The following ERI1 variants were observed in gnomAD, a reference collection of about 807,000 sequenced individuals.
ERI1 encodes the protein exoribonuclease 1.
Under a neutral mutation model 39.7 loss-of-function variants are expected in ERI1, and 39 were observed. That is an observed-to-expected ratio of 0.98 (90% CI 0.76 to 1.28). The LOEUF (loss-of-function observed/expected upper bound fraction) is 1.28, where lower values mean the gene tolerates loss of function less well. ERI1 is among the 50% of genes most tolerant of loss of function. The probability of loss-of-function intolerance (pLI) is 0.00; values close to 1 mark genes in which losing one functional copy is unlikely to be tolerated. For missense variants in ERI1, 581 were observed against 416.9 expected (o/e 1.39, Z -3.43); for synonymous variants, 204 against 149.6 (o/e 1.36, Z -2.65).
Position 9,029,951 on chromosome 8 carries a change from C to A in ERI1, c.967C>A (p.His323Asn). 5.6e-6 allele frequency: 9 copies of A among 1,614,092 alleles called. No individual in the cohort carries two copies. The highest frequency in any genetic ancestry group is 7.6e-6 in the Non-Finnish European group (9 of 1,180,006). Residue 323 changes from histidine (H) to asparagine (N), a missense_variant, in exon 7 of 7, where the codon CAT becomes AAT. Coordinates refer to ENST00000250263, the MANE Select transcript of ERI1 (RefSeq NM_153332.4). ...GCELRINEKM[H>N]AGQLMSVSSS... ...TGAACTCCGAATCAACGAGAAAATGCATGCAGGACAGCTAATGAGTGTGTC... is the reference window on the plus strand; with the variant it reads ...TGAACTCCGAATCAACGAGAAAATGAATGCAGGACAGCTAATGAGTGTGTC...
At chr8:9,007,347 TTG>T (rs1338140450) in intron 1 of ERI1, among the ~76,000 whole-genome samples, 8 of 152,198 alleles carry the variant, frequency 5.3e-5, no homozygotes, top group African/African-American at 1.9e-4. Context: ...TTTGTTAACT[TTG>T]TGAAATGAAG....
chr8:9,007,188 A>C (rs970223428), intron 1 of ERI1, among the ~76,000 whole-genome samples: 1 of 152,218 alleles, frequency 6.6e-6, no homozygotes, highest in South Asian at 2.1e-4. Context: ...TTTATGAAAA[A>C]ATTCATAATT....
At chr8:9,004,048 C>T (rs2117162428) in intron 1 of ERI1, 9 of 1,285,128 alleles carry the variant, frequency 7.0e-6, no homozygotes, top group Non-Finnish European at 9.1e-6. Context: ...TTGCATCTCA[C>T]ACAGTTTTTT....
At chr8:9,034,338 C>T (rs145733504), downstream of ERI1, among the ~76,000 whole-genome samples, 70 of 152,192 alleles carry the variant, frequency 4.6e-4, no homozygotes, top group Non-Finnish European at 8.4e-4. Context: ...TTATGTGCTT[C>T]GCAGATACTA....
At chr8:9,085,148 T>G (rs1799486057) in intron 3 of ERI1, among the ~76,000 whole-genome samples, 1 of 152,200 alleles carries the variant, frequency 6.6e-6, no homozygotes, top group Non-Finnish European at 1.5e-5. Flanking sequence ...AATTCCAGCC[T>G]GAGGGCTACA....
At chr8:9,063,071 T>C (rs1585273912) in intron 3 of ERI1, among the ~76,000 whole-genome samples, 1 of 152,344 alleles carries the variant, frequency 6.6e-6, no homozygotes, top group East Asian at 1.9e-4. Context: ...TTGTACACCT[T>C]GAAGGCCAGG....
intron 3 of ERI1, among the ~76,000 whole-genome samples, chr8:9,046,207 C>G (rs1231423782): frequency 6.6e-6 from 1 of 152,206 alleles, no homozygotes; most frequent in Non-Finnish European, 1.5e-5. Context: ...GTGAGGTTCT[C>G]TGTCCTGAGA....
rs1797489275 is a variant in ERI1, at chr8:9,030,200, A to C, written c.*166A>C. 4 of 895,052 alleles carry C rather than the reference A, an allele frequency of 4.5e-6. No homozygotes were observed. Among genetic ancestry groups the C allele is most frequent in the Non-Finnish European group, 6.6e-6 (4 of 608,006 alleles). The allele number at this position is 895,052 out of a possible 1,614,324, so 55.4% of individuals were successfully genotyped here. On this transcript the variant is annotated 3_prime_UTR_variant, in exon 7 of 7. Coordinates refer to ENST00000250263, the MANE Select transcript of ERI1 (RefSeq NM_153332.4). ...CATGTATGTGAACAGATTTTGTAGG[A>C]AGGCATACTGAATTCTTTGTCACCA...
intron 3 of ERI1, among the ~76,000 whole-genome samples, chr8:9,043,424 G>T (rs1367170422): frequency 6.6e-6 from 1 of 152,150 alleles, no homozygotes; most frequent in Non-Finnish European, 1.5e-5. Flanking sequence ...ACCCAAGCAT[G>T]TAGAGGCCAG....
chr8:9,010,893 A>G (rs1816597650), intron 2 of ERI1, among the ~76,000 whole-genome samples: 1 of 152,180 alleles, frequency 6.6e-6, no homozygotes, highest in African/African-American at 2.4e-5. Flanking sequence ...TCTACCCATG[A>G]TAAATTAAGA....
At chr8:9,077,461 C>T (rs1467405518) in intron 3 of ERI1, among the ~76,000 whole-genome samples, 1 of 152,158 alleles carries the variant, frequency 6.6e-6, no homozygotes, top group Non-Finnish European at 1.5e-5. Flanking sequence ...GCCGCACAAA[C>T]TGTGACTCAG....
At chr8:9,080,172 G>C (rs1310433419) in intron 3 of ERI1, among the ~76,000 whole-genome samples, 2 of 152,156 alleles carry the variant, frequency 1.3e-5, no homozygotes, top group Non-Finnish European at 2.9e-5. Context: ...TGTGGTAATA[G>C]AAAGCAGTTT....
At chr8:9,071,904 A>G (rs1032985557) in intron 3 of ERI1, among the ~76,000 whole-genome samples, 7 of 152,316 alleles carry the variant, frequency 4.6e-5, no homozygotes, top group African/African-American at 1.4e-4. Context: ...CGTCTCTACA[A>G]AAGACAAACA....
intron 3 of ERI1, among the ~76,000 whole-genome samples, chr8:9,089,153 T>C (rs928556625): frequency 1.3e-5 from 2 of 152,244 alleles, no homozygotes; most frequent in Non-Finnish European, 2.9e-5. Flanking sequence ...TCTTTCCTTT[T>C]CTTCACTGAG....
intron 3 of ERI1, among the ~76,000 whole-genome samples, chr8:9,040,031 G>T (rs1191279357): frequency 1.3e-5 from 2 of 151,978 alleles, no homozygotes; most frequent in Non-Finnish European, 2.9e-5. Context: ...ACTGTCCAAG[G>T]GTATTTTTCC....
chr8:9,045,509 T>C (rs1273366547), intron 3 of ERI1, among the ~76,000 whole-genome samples: 4 of 151,926 alleles, frequency 2.6e-5, no homozygotes, highest in African/African-American at 9.7e-5. Context: ...AAATCTGATG[T>C]ATTGACCCTG....
chr8:9,062,999 C>T (rs1019659133), intron 3 of ERI1, among the ~76,000 whole-genome samples: 1 of 152,114 alleles, frequency 6.6e-6, no homozygotes, highest in Admixed American at 6.5e-5. Flanking sequence ...GTTTGTCTCA[C>T]AGTGGAGGCA....
intron 3 of ERI1, among the ~76,000 whole-genome samples, chr8:9,060,903 A>T (rs1798672627): frequency 6.6e-6 from 1 of 152,244 alleles, no homozygotes; most frequent in Non-Finnish European, 1.5e-5. Context: ...CAGAGTTTTT[A>T]TTAAAGAGGC....
chr8:9,044,265 G>T (rs969798837), intron 3 of ERI1, among the ~76,000 whole-genome samples: 2 of 152,170 alleles, frequency 1.3e-5, no homozygotes, highest in Admixed American at 6.5e-5. Context: ...CTGGATGCAG[G>T]GCAACAAGTC....
Sources: allele counts gnomAD v4.1 joint callset (sites outside exome capture counted in the v4.1 genomes callset), GRCh38; gene constraint gnomAD v4.1.1; transcripts MANE v1.5; gene names NCBI Gene and HGNC (gene_info 2026-07-23, HGNC 2026-07-21).